Variants in MINK1 observed in about 807,000 individuals in gnomAD.
MINK1 encodes the protein misshapen-like kinase 1.
MINK1 carries 46 observed loss-of-function variants against 178.4 expected under a neutral mutation model. The ratio of observed to expected loss-of-function variants is 0.26; its 90% CI spans 0.20 to 0.33. The LOEUF (loss-of-function observed/expected upper bound fraction) is 0.33, where lower values mean the gene tolerates loss of function less well. MINK1 is among the 10% of genes least tolerant of loss of function. The pLI, the probability that MINK1 is intolerant of heterozygous loss-of-function variation, is 1.00. For missense variants in MINK1, 1,366 were observed against 1,814.9 expected (o/e 0.75, Z 4.49); for synonymous variants, 797 against 709.7 (o/e 1.12, Z -1.96).
intron 1 of MINK1, among the ~76,000 whole-genome samples, chr17:4,854,087 G>C (rs1912633716): frequency 6.6e-6 from 1 of 152,112 alleles, no homozygotes; most frequent in Admixed American, 6.6e-5. Flanking sequence ...GACTGTGATG[G>C]TGTTTATTTT....
Position 4,887,453 on chromosome 17 carries a change from A to T in MINK1, c.1020-127A>T. ...GAAGGGGACGGTAAGTCTCCTGGCC[A>T]CCTGGGAGTGGCCAGAGGCAGAGGC... On this transcript the variant is annotated intron_variant, in intron 11 of 31. Transcript: ENST00000355280. This position sits in a 1 kb window ranked among gnomAD's most constrained non-coding sequence, Gnocchi z 7.6. The T allele has an allele frequency of 3.3e-6, 3 of 921,250 alleles. No individual in the cohort carries two copies. Among genetic ancestry groups the T allele is most frequent in the South Asian group, 3.6e-5 (2 of 55,550 alleles). The allele number at this position is 921,250 out of a possible 1,614,324, so 57.1% of individuals were successfully genotyped here. A position where few individuals can be genotyped will look rare whatever the true frequency, so the allele number is the denominator to read the frequency against.
At chr17:4,876,446 G>A (rs1403582624) in intron 1 of MINK1, among the ~76,000 whole-genome samples, 2 of 152,226 alleles carry the variant, frequency 1.3e-5, no homozygotes, top group Non-Finnish European at 2.9e-5. Context: ...TGGAAAAAGT[G>A]CACAGTGAGG....
intron 1 of MINK1, among the ~76,000 whole-genome samples, chr17:4,834,533 C>A (rs528111428): frequency 1.3e-5 from 2 of 152,342 alleles, no homozygotes; most frequent in African/African-American, 4.8e-5. Context: ...TGAGAGGAAG[C>A]AAATGCTGCA....
chr17:4,884,272 C>T, intron 4 of MINK1, 91 bp from the exon 5 acceptor site: 1 of 978,402 alleles, frequency 1.0e-6, no homozygotes. Context: ...GTCTCTTATC[C>T]TCCTCCAGGA....
chr17:4,851,119 C>T (rs2150805208), intron 1 of MINK1: 1 of 428,842 alleles, frequency 2.3e-6, no homozygotes, highest in Non-Finnish European at 4.8e-6. Flanking sequence ...CCCTAAATCC[C>T]AGTAACGCCA....
In MINK1 at chr17:4,897,325, G is replaced by C; in HGVS notation, c.*38G>C. Reference sequence around the variant, plus strand: ...CTGGGGCTGTCCCACACTGGACCCAGCTCTCCCCCTGCAGCCAGGCTTCCC... The same window carrying C: ...CTGGGGCTGTCCCACACTGGACCCACCTCTCCCCCTGCAGCCAGGCTTCCC... On this transcript the variant is annotated 3_prime_UTR_variant, in exon 32 of 32. Coordinates refer to ENST00000355280, the MANE Select transcript of MINK1 (RefSeq NM_153827.5). 1 of 1,591,852 alleles carries C rather than the reference G, an allele frequency of 6.3e-7. No homozygotes were observed. Among genetic ancestry groups the C allele is most frequent in the Middle Eastern group, 1.7e-4 (1 of 6,026 alleles).
chr17:4,888,552 C>T (rs1308475058), intron 12 of MINK1, among the ~76,000 whole-genome samples: 2 of 151,234 alleles, frequency 1.3e-5, no homozygotes, highest in Non-Finnish European at 2.9e-5. Flanking sequence ...GCAGGAGAAT[C>T]GCTTGAACCT....
intron 1 of MINK1, among the ~76,000 whole-genome samples, chr17:4,873,700 C>T (rs1207686197): frequency 6.8e-6 from 1 of 147,394 alleles, no homozygotes; most frequent in Non-Finnish European, 1.5e-5. Context: ...CTCACTGCAA[C>T]CTCCACCTCC....
chr17:4,872,348 G>C (rs919094571), intron 1 of MINK1, among the ~76,000 whole-genome samples: 2 of 149,952 alleles, frequency 1.3e-5, no homozygotes, highest in African/African-American at 2.5e-5. Flanking sequence ...AAAAAAAAAG[G>C]ATGGACAGAG....
intron 1 of MINK1, among the ~76,000 whole-genome samples, chr17:4,875,890 G>A (rs1967139645): frequency 6.6e-6 from 1 of 151,070 alleles, no homozygotes; most frequent in Non-Finnish European, 1.5e-5. Flanking sequence ...CCACCTCCTG[G>A]GTTCAAGTAA....
Position 4,896,381 on chromosome 17 carries a change from A to G in MINK1, c.3615+39A>G. On this transcript the variant is annotated intron_variant, in intron 29 of 31. Transcript: ENST00000355280. The surrounding 1 kb of genome is among the most constrained non-coding windows in gnomAD (Gnocchi z 4.6). ...GGCTGCTGGGGGAGTGGGATGGCCC[A>G]GTCTGGGCACCAGACACGGAGACTC... 1 of 1,607,696 alleles carries G rather than the reference A, an allele frequency of 6.2e-7. No individual in the cohort carries two copies. Among genetic ancestry groups the G allele is most frequent in the Non-Finnish European group, 8.5e-7 (1 of 1,176,140 alleles).
At chr17:4,877,343 G>C (rs1597495833) in intron 1 of MINK1, among the ~76,000 whole-genome samples, 1 of 152,146 alleles carries the variant, frequency 6.6e-6, no homozygotes, top group Non-Finnish European at 1.5e-5. Context: ...GTCTCCTTCT[G>C]GCACTGCTTG....
intron 1 of MINK1, chr17:4,861,603 C>T (rs1914179250): frequency 4.4e-6 from 1 of 225,216 alleles, no homozygotes; most frequent in Non-Finnish European, 9.6e-6. Flanking sequence ...TGGGTTCAAG[C>T]GATTCTCCTG....
chr17:4,892,931 C>G, intron 19 of MINK1, 48 bp from the exon 20 acceptor site: 1 of 1,486,114 alleles, frequency 6.7e-7, no homozygotes, highest in Non-Finnish European at 9.2e-7. Context: ...GGGCTTGAGG[C>G]CATCCCTTGT....
chr17:4,834,798 C>G (rs200536116), intron 1 of MINK1: 3 of 520,014 alleles, frequency 5.8e-6, no homozygotes, highest in Admixed American at 3.9e-5. Context: ...TCTGGAGGCC[C>G]CTGCTCAGAC....
chr17:4,866,855 C>T (rs1915060790), intron 1 of MINK1, among the ~76,000 whole-genome samples: 1 of 151,914 alleles, frequency 6.6e-6, no homozygotes, highest in Non-Finnish European at 1.5e-5. Flanking sequence ...AGGCGGATCA[C>T]GAGGTCAGGA....
Position 4,886,356 on chromosome 17 carries a change from G to A in MINK1, c.774-95G>A, listed in dbSNP as rs562282903. 6.0e-5 allele frequency: 90 copies of A among 1,512,148 alleles called. No individual in the cohort carries two copies. In the South Asian group the frequency reaches 8.4e-4, roughly 14 times the overall value. 93.7% of individuals were successfully genotyped at this position (1,512,148 alleles called of 1,614,324 possible). A position where few individuals can be genotyped will look rare whatever the true frequency, so the allele number is the denominator to read the frequency against. On this transcript the variant is annotated intron_variant, in intron 9 of 31. Transcript: ENST00000355280. This position sits in a 1 kb window ranked among gnomAD's most constrained non-coding sequence, Gnocchi z 6.1. ...GTTGGGATATGAAGACAGGAGGGAC[G>A]TCAAGGTGGCTTGTGGATGAATGAT... is the stretch of plus-strand genomic sequence containing the variant.
At chr17:4,853,531 C>G (rs1433109564) in intron 1 of MINK1, among the ~76,000 whole-genome samples, 1 of 151,766 alleles carries the variant, frequency 6.6e-6, no homozygotes, top group African/African-American at 2.4e-5. Flanking sequence ...CAAGTTTGAG[C>G]GCTTGCTTCA....
rs1423750204 is a variant in MINK1, at chr17:4,881,049, T to C, written c.180+9T>C. ...TCATGGATGTCACGGAGGTAGGGAGTGGAGCTGGGCAGTGGGAGGGTCGGA... is the reference window on the plus strand; with the variant it reads ...TCATGGATGTCACGGAGGTAGGGAGCGGAGCTGGGCAGTGGGAGGGTCGGA... On this transcript the variant is annotated intron_variant, in intron 3 of 31. Coordinates refer to ENST00000355280, the MANE Select transcript of MINK1 (RefSeq NM_153827.5). The C allele has an allele frequency of 6.5e-7, 1 of 1,530,396 alleles. No homozygotes were observed. The highest frequency in any genetic ancestry group is 8.7e-7 in the Non-Finnish European group (1 of 1,143,356). The allele number at this position is 1,530,396 out of a possible 1,614,324, so 94.8% of individuals were successfully genotyped here. A position where few individuals can be genotyped will look rare whatever the true frequency, so the allele number is the denominator to read the frequency against.
Sources: gnomAD v4.1 joint callset for allele counts (sites outside exome capture counted in the v4.1 genomes callset) on GRCh38, gnomAD v4.1.1 for gene constraint, Gnocchi (gnomAD v3.1) non-coding constraint, MANE v1.5 for transcripts, NCBI Gene and HGNC (gene_info 2026-07-23, HGNC 2026-07-21) for gene names.